DGKB: variants seen among roughly 807,000 people sequenced by gnomAD.
DGKB encodes the protein 90 kDa diacylglycerol kinase.
DGKB carries 67 observed loss-of-function variants against 114.3 expected under a neutral mutation model. The observed-to-expected ratio is 0.59, with a 90% CI of 0.48 to 0.72. The LOEUF is 0.72. DGKB is among the 30% of genes least tolerant of loss of function. The probability of loss-of-function intolerance (pLI) is 0.00; values close to 1 mark genes in which losing one functional copy is unlikely to be tolerated. For synonymous variants in DGKB, 398 were observed against 323.1 expected (o/e 1.23, Z -2.49); for missense variants, 907 against 975.2 (o/e 0.93, Z 0.93).
intron 6 of DGKB, among the ~76,000 whole-genome samples, chr7:14,716,132 G>T (rs1341713207): frequency 6.6e-6 from 1 of 152,128 alleles, no homozygotes; most frequent in Non-Finnish European, 1.5e-5. Context: ...TCAACTCCAG[G>T]AAAAACAACT....
At chr7:14,556,325 T>C (rs1429404059) in intron 20 of DGKB, among the ~76,000 whole-genome samples, 1 of 152,122 alleles carries the variant, frequency 6.6e-6, no homozygotes, top group Admixed American at 6.5e-5. Context: ...GTTTAAAAAA[T>C]ATATATTTAG....
intron 23 of DGKB, among the ~76,000 whole-genome samples, chr7:14,271,469 A>G (rs569453814): frequency 3.0e-4 from 45 of 152,324 alleles, no homozygotes; most frequent in African/African-American, 1.1e-3. Context: ...GTACACATAC[A>G]TTTTAGCACC....
chr7:14,203,898 G>A (rs1239610678), intron 23 of DGKB, among the ~76,000 whole-genome samples: 3 of 151,974 alleles, frequency 2.0e-5, no homozygotes, highest in Non-Finnish European at 4.4e-5. Context: ...TTGACAGTCT[G>A]TAATATTTAG....
chr7:14,216,319 GT>G (rs1386252931), intron 23 of DGKB, among the ~76,000 whole-genome samples: 1 of 152,088 alleles, frequency 6.6e-6, no homozygotes, highest in Non-Finnish European at 1.5e-5. Flanking sequence ...CCATGTCTAA[GT>G]TTTTTTGGAC....
At chr7:14,290,485 C>G (rs769046666) in intron 23 of DGKB, among the ~76,000 whole-genome samples, 3 of 152,218 alleles carry the variant, frequency 2.0e-5, no homozygotes, top group Admixed American at 6.5e-5. Context: ...TTATTTTTCA[C>G]TGATGCTCAC....
At chr7:14,873,145 G>C (rs1415529424) in intron 1 of DGKB, among the ~76,000 whole-genome samples, 2 of 152,066 alleles carry the variant, frequency 1.3e-5, no homozygotes, top group Non-Finnish European at 2.9e-5. Context: ...GAATTTTCAT[G>C]AATGTTCGTT....
chr7:14,854,581 C>T (rs1327689692), intron 1 of DGKB, among the ~76,000 whole-genome samples: 5 of 152,130 alleles, frequency 3.3e-5, no homozygotes, highest in African/African-American at 4.8e-5. Flanking sequence ...AGGGTTTGTG[C>T]TCCTATGAGA....
At chr7:14,365,006 A>G (rs1012851614) in intron 21 of DGKB, among the ~76,000 whole-genome samples, 8 of 151,858 alleles carry the variant, frequency 5.3e-5, no homozygotes, top group African/African-American at 1.9e-4. Flanking sequence ...GTAAACATCA[A>G]ATCTCTACTT....
At chr7:14,945,887 C>T (rs922366613) in intron 1 of DGKB, among the ~76,000 whole-genome samples, 1 of 151,432 alleles carries the variant, frequency 6.6e-6, no homozygotes, top group African/African-American at 2.4e-5. Flanking sequence ...TTATAGTAGA[C>T]AAGTCACAAC....
In DGKB at chr7:14,233,901, C is replaced by T. The variant is rs1472498708; in HGVS notation, c.2123-55750G>A. On this transcript the variant is annotated intron_variant, in intron 23 of 25. Transcript: ENST00000402815. ...TAAAGCTTCTGTTTGTCACTCCTCA[C>T]ATCACAATTCCACTTAACTAAACAA... 7.9e-5 allele frequency among the ~76,000 whole-genome samples: 12 copies of T among 151,938 alleles called. No individual in the cohort carries two copies. In the Admixed American group the frequency reaches 7.9e-4, roughly 10 times the overall value.
intron 21 of DGKB, among the ~76,000 whole-genome samples, chr7:14,379,257 G>C (rs1315478808): frequency 2.0e-5 from 3 of 152,086 alleles, no homozygotes; most frequent in Non-Finnish European, 4.4e-5. Context: ...TTAAATAAGA[G>C]CTCCCATTTC....
chr7:14,849,867 A>G (rs1002222517), intron 1 of DGKB, among the ~76,000 whole-genome samples: 2 of 152,276 alleles, frequency 1.3e-5, no homozygotes, highest in East Asian at 3.9e-4. Flanking sequence ...GGAGGATCTA[A>G]AGGGGAAAAA....
chr7:14,961,320 A>T (rs1786829655), intron 1 of DGKB, among the ~76,000 whole-genome samples: 1 of 152,122 alleles, frequency 6.6e-6, no homozygotes, highest in Non-Finnish European at 1.5e-5. Context: ...TTCTCTTCAG[A>T]CACACCCTGC....
intron 1 of DGKB, among the ~76,000 whole-genome samples, chr7:14,964,418 T>C (rs1787034812): frequency 6.6e-6 from 1 of 152,178 alleles, no homozygotes; most frequent in African/African-American, 2.4e-5. Context: ...GAGAATCACA[T>C]GAGCCCAGAA....
chr7:14,811,261 G>A (rs764524417), intron 2 of DGKB, among the ~76,000 whole-genome samples: 22 of 152,242 alleles, frequency 1.4e-4, no homozygotes, highest in Middle Eastern at 3.4e-3. Context: ...AGGCTGGAGT[G>A]CAGTGGTGTG....
chr7:14,596,567 A>G (rs1345473616), intron 17 of DGKB, among the ~76,000 whole-genome samples: 1 of 152,124 alleles, frequency 6.6e-6, no homozygotes, highest in Non-Finnish European at 1.5e-5. Flanking sequence ...CATGAACCAC[A>G]TATTATAAGT....
intron 24 of DGKB, among the ~76,000 whole-genome samples, chr7:14,177,599 C>CA (rs1285332098): frequency 1.5e-4 from 19 of 126,914 alleles, no homozygotes; most frequent in Admixed American, 8.6e-4. Flanking sequence ...AAATTTTGGG[C>CA]AAAAAAAATG....
At chr7:14,963,291 T>C (rs1357818358) in intron 1 of DGKB, among the ~76,000 whole-genome samples, 1 of 152,048 alleles carries the variant, frequency 6.6e-6, no homozygotes, top group Non-Finnish European at 1.5e-5. Context: ...ACAAAATAAA[T>C]ACACAAATAC....
At chr7:14,711,898 G>C (rs1326714978) in intron 6 of DGKB, among the ~76,000 whole-genome samples, 1 of 152,130 alleles carries the variant, frequency 6.6e-6, no homozygotes. Flanking sequence ...ACCGAATATT[G>C]AGAGAATAAG....
Sources: gnomAD v4.1 joint callset for allele counts (sites outside exome capture counted in the v4.1 genomes callset) on GRCh38, gnomAD v4.1.1 for gene constraint, MANE v1.5 for transcripts, NCBI Gene and HGNC (gene_info 2026-07-23, HGNC 2026-07-21) for gene names.